Variants in SDK1 observed in about 807,000 individuals in gnomAD.
SDK1 encodes protein sidekick-1.
A neutral mutation model predicts 245.5 loss-of-function variants in SDK1; 157 were observed. That is an observed-to-expected ratio of 0.64 (90% CI 0.56 to 0.73). The LOEUF is 0.73. Ranked by LOEUF, SDK1 falls within the 30% of genes least tolerant of loss-of-function variation. SDK1 has a pLI of 0.00. For missense variants in SDK1, 3,583 were observed against 3,002.3 expected, an observed-to-expected ratio of 1.19 and a Z score of -4.52; for synonymous variants, 1,647 against 1,278.5, an observed-to-expected ratio of 1.29 and a Z score of -6.15.
At chr7:3,452,496 A>G (rs1290480889) in intron 1 of SDK1, among the ~76,000 whole-genome samples, 2 of 152,248 alleles carry the variant, frequency 1.3e-5, no homozygotes, top group Admixed American at 6.5e-5. Context: ...AAAAAGCAAG[A>G]AAGTTATGAT....
chr7:3,963,022 G>A lies in SDK1; in HGVS notation c.1429+171G>A, dbSNP rs528670992. Among the ~76,000 whole-genome samples the A allele has an allele frequency of 3.7e-3, 489 of 132,314 alleles. 3 individuals carry two copies. Among genetic ancestry groups the A allele is most frequent in the Middle Eastern group, 7.5e-3 (2 of 266 alleles). 86.8% of individuals were successfully genotyped at this position (132,314 alleles called of 152,430 possible). A position where few individuals can be genotyped will look rare whatever the true frequency, so the allele number is the denominator to read the frequency against. ...ATGGCTACCTGGATGTAACCACTGG[G>A]TACACCCAGGCTCACAGCTACCTGA... On this transcript the variant is annotated intron_variant, in intron 9 of 44. Coordinates refer to ENST00000404826, the MANE Select transcript of SDK1 (RefSeq NM_152744.4).
At chr7:4,008,496 G>A (rs915580537) in intron 14 of SDK1, among the ~76,000 whole-genome samples, 4 of 152,046 alleles carry the variant, frequency 2.6e-5, no homozygotes, top group African/African-American at 4.8e-5. Context: ...CCCATTGGCC[G>A]GGGTCGGGTC....
intron 5 of SDK1, among the ~76,000 whole-genome samples, chr7:3,927,598 G>C (rs563582427): frequency 6.6e-6 from 1 of 152,184 alleles, no homozygotes; most frequent in African/African-American, 2.4e-5. Flanking sequence ...ATTTCAGAGG[G>C]TGATGGTCCA....
intron 1 of SDK1, among the ~76,000 whole-genome samples, chr7:3,428,461 AT>A (rs1440671427): frequency 4.6e-5 from 7 of 152,208 alleles, no homozygotes; most frequent in Non-Finnish European, 1.0e-4. Context: ...AAGTGGCAGA[AT>A]TACATTAACA....
intron 1 of SDK1, among the ~76,000 whole-genome samples, chr7:3,558,106 C>T (rs984826177): frequency 1.8e-4 from 28 of 151,586 alleles, no homozygotes; most frequent in Admixed American, 1.8e-3. Flanking sequence ...GTAAAGCCAG[C>T]ATATTCTATT....
intron 8 of SDK1, among the ~76,000 whole-genome samples, chr7:3,961,761 G>A (rs991807750): frequency 2.0e-5 from 3 of 152,190 alleles, no homozygotes; most frequent in African/African-American, 4.8e-5. Context: ...CTGTTGGGAT[G>A]AATAGTGATA....
At chr7:4,167,947 G>C (rs891724071) in intron 32 of SDK1, among the ~76,000 whole-genome samples, 3 of 152,252 alleles carry the variant, frequency 2.0e-5, no homozygotes, top group Non-Finnish European at 4.4e-5. Flanking sequence ...GACCTCATGG[G>C]TTCCATGGAG....
chr7:3,348,725 G>C (rs908679290), intron 1 of SDK1, among the ~76,000 whole-genome samples: 4 of 152,118 alleles, frequency 2.6e-5, no homozygotes, highest in Non-Finnish European at 5.9e-5. Context: ...CAAAAAGTGA[G>C]CTGTTATTTT....
At chr7:3,619,991 T>G (rs536342669) in intron 2 of SDK1, among the ~76,000 whole-genome samples, 1 of 152,324 alleles carries the variant, frequency 6.6e-6, no homozygotes, top group African/African-American at 2.4e-5. Flanking sequence ...TGCAGTTCTG[T>G]GCAGGATGGA....
intron 1 of SDK1, among the ~76,000 whole-genome samples, chr7:3,513,243 T>C (rs965004447): frequency 6.6e-6 from 1 of 152,192 alleles, no homozygotes; most frequent in Non-Finnish European, 1.5e-5. Flanking sequence ...TCTTGTTTTA[T>C]GGGTGGAGAA....
chr7:3,673,467 C>T (rs1273552713), intron 4 of SDK1, among the ~76,000 whole-genome samples: 1 of 152,122 alleles, frequency 6.6e-6, no homozygotes, highest in Non-Finnish European at 1.5e-5. Context: ...ATGTGAGAAC[C>T]TTAAAACTCA....
chr7:4,065,694 GT>G (rs749991713), intron 19 of SDK1, among the ~76,000 whole-genome samples: 2,114 of 65,862 alleles, frequency 0.032, 5 homozygotes, highest in East Asian at 0.097. Flanking sequence ...AGTGGTTGTT[GT>G]TTTTTTTTTT....
chr7:3,538,964 C>T (rs528778949), intron 1 of SDK1, among the ~76,000 whole-genome samples: 12 of 152,308 alleles, frequency 7.9e-5, no homozygotes, highest in African/African-American at 2.6e-4. Flanking sequence ...TGTTCCTGTC[C>T]CATCCCCCAA....
chr7:3,882,219 G>T (rs770119648), intron 5 of SDK1, among the ~76,000 whole-genome samples: 20 of 152,082 alleles, frequency 1.3e-4, no homozygotes, highest in Non-Finnish European at 2.5e-4. Flanking sequence ...TCCAAAACAC[G>T]TGGGAATTCT....
At chr7:3,919,505 TACCCTCCCTGGTGAACTGAAAGAGC>T (rs1383075254) in intron 5 of SDK1, among the ~76,000 whole-genome samples, 3 of 152,218 alleles carry the variant, frequency 2.0e-5, no homozygotes, top group South Asian at 2.1e-4. Context: ...GTTGCACTCG[TACCCTCCCTGGTGAACTGAAAGAGC>T]ACCCTCCCTG....
rs1007311193 is a variant in SDK1 at position 3,963,826 on chromosome 7, G to A, written c.1429+975G>A. On this transcript the variant is annotated intron_variant, in intron 9 of 44. Coordinates refer to ENST00000404826, the MANE Select transcript of SDK1 (RefSeq NM_152744.4). Reference sequence around the variant, plus strand: ...CGTATCCAGTGAGCACACCCAGGCCGACGGCTACCCAGATGTATCCAGTGG... The same window carrying A: ...CGTATCCAGTGAGCACACCCAGGCCAACGGCTACCCAGATGTATCCAGTGG... 2.0e-5 allele frequency among the ~76,000 whole-genome samples: 3 copies of A among 150,106 alleles called. No individual in the cohort carries two copies. In the East Asian group the frequency reaches 6.0e-4, roughly 30 times the overall value.
At chr7:3,426,450 C>G (rs1021800998) in intron 1 of SDK1, among the ~76,000 whole-genome samples, 1 of 152,210 alleles carries the variant, frequency 6.6e-6, no homozygotes, top group Non-Finnish European at 1.5e-5. Context: ...GTCACCTTCT[C>G]TGCTCCTCAT....
At chr7:3,768,362 C>T (rs537423115) in intron 4 of SDK1, among the ~76,000 whole-genome samples, 26 of 152,222 alleles carry the variant, frequency 1.7e-4, no homozygotes, top group African/African-American at 3.4e-4. Flanking sequence ...TAAATACAGC[C>T]GATTGAGCAT....
intron 1 of SDK1, among the ~76,000 whole-genome samples, chr7:3,351,989 T>C (rs1780671890): frequency 6.6e-6 from 1 of 152,072 alleles, no homozygotes; most frequent in African/African-American, 2.4e-5. Flanking sequence ...AAAGCAAGTA[T>C]TGATAAATTT....
Sources: allele counts gnomAD v4.1 joint callset (sites outside exome capture counted in the v4.1 genomes callset), GRCh38; gene constraint gnomAD v4.1.1; transcripts MANE v1.5; gene names NCBI Gene and HGNC (gene_info 2026-07-23, HGNC 2026-07-21).